The following ABR variants were observed in gnomAD, a reference collection of about 807,000 sequenced individuals.
The protein encoded by ABR is active breakpoint cluster region-related protein.
In ABR, 35 loss-of-function variants were observed where a neutral mutation model predicts 107.2. The observed-to-expected ratio is 0.33, with a 90% CI of 0.25 to 0.43. ABR has a LOEUF of 0.43. Ranked by LOEUF, ABR falls within the 20% of genes least tolerant of loss-of-function variation. The pLI, the probability that ABR is intolerant of heterozygous loss-of-function variation, is 1.00. For synonymous variants in ABR, 498 were observed against 462.0 expected, an observed-to-expected ratio of 1.08 and a Z score of -1.00; for missense variants, 815 against 1,115.2, an observed-to-expected ratio of 0.73 and a Z score of 3.83.
chr17:1,216,190 G>A (rs971412646), intron 1 of ABR, among the ~76,000 whole-genome samples: 294 of 151,084 alleles, frequency 1.9e-3, no homozygotes, highest in Middle Eastern at 6.8e-3. Context: ...AAAAAAAAAA[G>A]AAAGAAACTG....
At chr17:1,009,536 G>A (rs947874750) in intron 21 of ABR, 143 bp downstream of exon 21, 43 of 679,130 alleles carry the variant, frequency 6.3e-5, no homozygotes, top group Non-Finnish European at 1.0e-4. Context: ...GCGCCCACGA[G>A]GAGGGACTGA....
chr17:1,088,374 G>A (rs907145155), intron 4 of ABR, among the ~76,000 whole-genome samples: 16 of 151,808 alleles, frequency 1.1e-4, no homozygotes, highest in Non-Finnish European at 2.2e-4. Flanking sequence ...CTGAACCGGA[G>A]GGAGCAGGGG....
At chr17:1,059,445 G>A (rs2033687085) in intron 10 of ABR, among the ~76,000 whole-genome samples, 1 of 152,166 alleles carries the variant, frequency 6.6e-6, no homozygotes, top group Admixed American at 6.5e-5. Flanking sequence ...TCTCTGTACT[G>A]TCACTCTGCT....
chr17:1,161,910 C>G (rs548745857), intron 1 of ABR, among the ~76,000 whole-genome samples: 1 of 152,104 alleles, frequency 6.6e-6, no homozygotes, highest in Non-Finnish European at 1.5e-5. Flanking sequence ...CTCTCCCACC[C>G]GCTACACCAC....
rs1297595554 is a variant in ABR at position 1,004,804 on chromosome 17, C to G, written c.*1276G>C. Reference sequence around the variant, plus strand: ...CCAGTGTTTACCCAAAAGGCTGTATCCAGAAGCTGGGGCGGCACCACAATG... The same window carrying G: ...CCAGTGTTTACCCAAAAGGCTGTATGCAGAAGCTGGGGCGGCACCACAATG... On this transcript the variant is annotated 3_prime_UTR_variant, in exon 23 of 23. Transcript: ENST00000302538. 7 of 379,482 alleles carry G rather than the reference C, an allele frequency of 1.8e-5. No individual in the cohort carries two copies. Among genetic ancestry groups the G allele is most frequent in the Non-Finnish European group, 3.3e-5 (7 of 214,000 alleles). 23.5% of individuals were successfully genotyped at this position (379,482 alleles called of 1,614,324 possible).
chr17:1,220,847 C>A (rs1226651922), intron 1 of ABR, among the ~76,000 whole-genome samples: 1 of 152,140 alleles, frequency 6.6e-6, no homozygotes, highest in Non-Finnish European at 1.5e-5. Flanking sequence ...CGGCCATGAG[C>A]CCAGCCCTGT....
At chr17:1,191,375 T>TTTTG (rs1567878920), upstream of ABR, among the ~76,000 whole-genome samples, 1 of 143,450 alleles carries the variant, frequency 7.0e-6, no homozygotes, top group African/African-American at 2.8e-5. Context: ...TTTTTTTTTT[T>TTTTG]GAGACAGAGT....
intron 1 of ABR, among the ~76,000 whole-genome samples, chr17:1,206,742 T>C (rs567012561): frequency 4.9e-4 from 75 of 152,140 alleles, no homozygotes; most frequent in Middle Eastern, 6.8e-3. Context: ...TTTCACCATG[T>C]CTCCAAAAAT....
In ABR at chr17:1,037,330, TC is replaced by T. The variant is rs1371027222; in HGVS notation, c.1791+12719del. Among the ~76,000 whole-genome samples, 1 of 151,924 alleles carries T rather than the reference TC, an allele frequency of 6.6e-6. No individual in the cohort carries two copies. Among genetic ancestry groups the T allele is most frequent in the African/African-American group, 2.4e-5 (1 of 41,338 alleles). ...GAGTACGTGCTGCTTCTCACACAGC[TC>T]CAGCCTCCCTCTGCCTGACCTCCAG... On this transcript the variant is annotated intron_variant, in intron 16 of 22. Coordinates refer to ENST00000302538, the MANE Select transcript of ABR (RefSeq NM_021962.5). This position sits in a 1 kb window ranked among gnomAD's most constrained non-coding sequence, Gnocchi z 4.6.
intron 16 of ABR, among the ~76,000 whole-genome samples, chr17:1,020,324 C>T (rs1225094069): frequency 1.3e-5 from 2 of 152,210 alleles, no homozygotes; most frequent in African/African-American, 2.4e-5. Flanking sequence ...CTCAGGTGAT[C>T]CACCCGCCTC....
chr17:1,080,482 C>T (rs566232338), intron 5 of ABR, among the ~76,000 whole-genome samples: 1 of 152,262 alleles, frequency 6.6e-6, no homozygotes, highest in African/African-American at 2.4e-5. Context: ...AGACGGAGCA[C>T]ACGGAGCCTC....
intron 2 of ABR, 122 bp downstream of exon 2, chr17:1,125,061 G>T: frequency 2.9e-6 from 3 of 1,021,974 alleles, no homozygotes; most frequent in Non-Finnish European, 2.8e-6. Context: ...ACCAAGAACG[G>T]CCAGGTCCAA....
In ABR at chr17:1,071,351, C is replaced by G. The variant is rs946828531; in HGVS notation, c.895-1261G>C. Among the ~76,000 whole-genome samples the G allele has an allele frequency of 2.0e-5, 3 of 152,306 alleles. No individual in the cohort carries two copies. The highest frequency in any genetic ancestry group is 1.3e-4 in the Admixed American group (2 of 15,306). On this transcript the variant is annotated intron_variant, in intron 8 of 22. Transcript: ENST00000302538. This position sits in a 1 kb window ranked among gnomAD's most constrained non-coding sequence, Gnocchi z 5.1. ...CCCTCACCACTTTCTCCCCAGGAGA[C>G]CCTGGGGGCTCGTAAACAGACCACA...
chr17:1,079,069 G>A, intron 6 of ABR: 1 of 1,274,358 alleles, frequency 7.8e-7, no homozygotes, highest in Non-Finnish European at 1.0e-6. Flanking sequence ...GAGGGGTAGG[G>A]AGGGAGGGAG....
intron 2 of ABR, among the ~76,000 whole-genome samples, chr17:1,113,788 AAGAG>A (rs1181129748): frequency 6.6e-6 from 1 of 152,206 alleles, no homozygotes; most frequent in Non-Finnish European, 1.5e-5. Flanking sequence ...ATAATAAAGA[AAGAG>A]AAAGTCTCCT....
chr17:1,110,529 C>T (rs1266478553), intron 2 of ABR, among the ~76,000 whole-genome samples: 1 of 152,190 alleles, frequency 6.6e-6, no homozygotes, highest in African/African-American at 2.4e-5. Flanking sequence ...GATTTTAAAA[C>T]GATGGCAAAT....
intron 6 of ABR, among the ~76,000 whole-genome samples, chr17:1,077,355 C>T (rs1676196050): frequency 2.6e-5 from 4 of 152,180 alleles, no homozygotes; most frequent in Admixed American, 2.6e-4. Flanking sequence ...GTCCCAGGTC[C>T]GTTTCACTGA....
chr17:1,210,250 C>A lies in ABR; in HGVS notation c.838+18543G>T, dbSNP rs1598131997. 6.6e-6 allele frequency among the ~76,000 whole-genome samples: 1 copy of A among 152,192 alleles called. No homozygotes were observed. The highest frequency in any genetic ancestry group is 1.5e-5 in the Non-Finnish European group (1 of 68,036). Reference sequence around the variant, plus strand: ...CCTAAGCCGGGCGCCGTGGCTCACACCTGTAATCCCAACTCTTTGGGAGGC... The same window carrying A: ...CCTAAGCCGGGCGCCGTGGCTCACAACTGTAATCCCAACTCTTTGGGAGGC... On this transcript the variant is annotated intron_variant, in intron 1 of 22. Transcript: ENST00000574139. This position sits in a 1 kb window ranked among gnomAD's most constrained non-coding sequence, Gnocchi z 5.6.
chr17:1,005,385 G>A lies in ABR; in HGVS notation c.*695C>T, dbSNP rs1222501499. ...GCTCTGTGCTAAGCTGGGGACGAGT[G>A]TGAGTGTGTCTGCTTGTCCAACATT... On this transcript the variant is annotated 3_prime_UTR_variant, in exon 23 of 23. Coordinates refer to ENST00000302538, the MANE Select transcript of ABR (RefSeq NM_021962.5). 3 of 382,098 alleles carry A rather than the reference G, an allele frequency of 7.9e-6. No individual in the cohort carries two copies. The highest frequency in any genetic ancestry group is 9.0e-5 in the Admixed American group (2 of 22,102). 23.7% of individuals were successfully genotyped at this position (382,098 alleles called of 1,614,324 possible).
Sources: gnomAD v4.1 joint callset for allele counts (sites outside exome capture counted in the v4.1 genomes callset) on GRCh38, gnomAD v4.1.1 for gene constraint, Gnocchi (gnomAD v3.1) non-coding constraint, MANE v1.5 for transcripts, NCBI Gene and HGNC (gene_info 2026-07-23, HGNC 2026-07-21) for gene names.